Variants in EHMT1 observed in about 807,000 individuals in gnomAD.
EHMT1 encodes the protein euchromatic histone lysine methyltransferase 1.
In EHMT1, 15 loss-of-function variants were observed where a neutral mutation model predicts 147.2. That is an observed-to-expected ratio of 0.10 (90% confidence interval 0.07 to 0.16). The LOEUF (loss-of-function observed/expected upper bound fraction) is 0.16. EHMT1 is among the 10% of genes least tolerant of loss of function. The pLI is 1.00. For synonymous variants in EHMT1, 795 were observed against 709.6 expected, an observed-to-expected ratio of 1.12 and a Z score of -1.91; for missense variants, 1,587 against 1,772.4, an observed-to-expected ratio of 0.90 and a Z score of 1.88.
intron 25 of EHMT1, among the ~76,000 whole-genome samples, chr9:137,821,395 A>G (rs1017288948): frequency 1.4e-4 from 20 of 140,924 alleles, no homozygotes; most frequent in African/African-American, 5.1e-4. Flanking sequence ...TGGCATAATC[A>G]TAGCTCACTG....
At chr9:137,816,191 C>G in intron 23 of EHMT1, 129 bp downstream of exon 23, 1 of 821,274 alleles carries the variant, frequency 1.2e-6, no homozygotes, top group Admixed American at 2.0e-5. Context: ...CAGATAGAGC[C>G]GACAAGTTAC....
In EHMT1 at chr9:137,813,473, C is replaced by G. The variant is rs141527497; in HGVS notation, c.3123C>G (p.Val1041=). The change falls in exon 21 of 27, where the codon GTC becomes GTG. Residue 1041 remains valine, a synonymous_variant. Transcript: ENST00000460843. This position sits in a 1 kb window ranked among gnomAD's most constrained non-coding sequence, Gnocchi z 4.9. ...CATGCCCCAGCAACTACAAGTACGTCTCTCAGAACTGCGTGACGTCCCCCA... is the reference window on the plus strand; with the variant it reads ...CATGCCCCAGCAACTACAAGTACGTGTCTCAGAACTGCGTGACGTCCCCCA... ...SEPCPSNYKY[V]SQNCVTSPMN... The G allele has an allele frequency of 1.3e-4, 211 of 1,613,976 alleles. No individual in the cohort carries two copies. Among genetic ancestry groups the G allele is most frequent in the Non-Finnish European group, 1.6e-4 (190 of 1,180,030 alleles).
In EHMT1 at chr9:137,727,684, G is replaced by A. The variant is rs527692800; in HGVS notation, c.643-665G>A. On this transcript the variant is annotated intron_variant, in intron 3 of 26. Coordinates refer to ENST00000460843, the MANE Select transcript of EHMT1 (RefSeq NM_024757.5). ...TATCACAGGTCTGTAGGTGACGAGG[G>A]AAGCAGACAGAGAGTGGAGGTTCAG... 3.0e-4 allele frequency among the ~76,000 whole-genome samples: 46 copies of A among 152,340 alleles called. No homozygotes were observed. In the East Asian group the frequency reaches 8.5e-3, roughly 28 times the overall value.
chr9:137,795,717 G>A (rs575568139), intron 16 of EHMT1, among the ~76,000 whole-genome samples: 2 of 152,222 alleles, frequency 1.3e-5, no homozygotes, highest in East Asian at 3.9e-4. Flanking sequence ...GTGAAATACA[G>A]GATAATAACT....
At chr9:137,762,436 A>G (rs1949899436) in intron 9 of EHMT1, among the ~76,000 whole-genome samples, 1 of 152,208 alleles carries the variant, frequency 6.6e-6, no homozygotes, top group Non-Finnish European at 1.5e-5. Flanking sequence ...ACAGGTTAAT[A>G]GGTGCCTCTT....
At chr9:137,823,650 A>G in intron 25 of EHMT1, 1 of 185,402 alleles carries the variant, frequency 5.4e-6, no homozygotes, top group South Asian at 7.2e-5. Flanking sequence ...TGACCTCGTG[A>G]TCCGCCCGCC....
intron 18 of EHMT1, among the ~76,000 whole-genome samples, chr9:137,810,292 A>ACCGTCGGTG (rs1954355018): frequency 5.3e-4 from 56 of 106,244 alleles, no homozygotes; most frequent in African/African-American, 2.1e-3. Context: ...GCCCTGCGTG[A>ACCGTCGGTG]AAGGCGCTCC....
Position 137,752,076 on chromosome 9 carries a change from G to A in EHMT1, c.1171-255G>A, listed in dbSNP as rs146984886. 5.9e-3 allele frequency among the ~76,000 whole-genome samples: 897 copies of A among 152,346 alleles called. 6 individuals are homozygous for A. Among genetic ancestry groups the A allele is most frequent in the Non-Finnish European group, 1.0e-2 (680 of 68,026 alleles). ...ACCAGGGCAGCCACTCTCTGGTCCCGATGTGGAGACAGGACCGGGGAGCAG... is the reference window on the plus strand; with the variant it reads ...ACCAGGGCAGCCACTCTCTGGTCCCAATGTGGAGACAGGACCGGGGAGCAG... On this transcript the variant is annotated intron_variant, in intron 6 of 26. Transcript: ENST00000460843.
intron 1 of EHMT1, among the ~76,000 whole-genome samples, chr9:137,668,988 G>C (rs114176219): frequency 0.042 from 6,376 of 152,228 alleles, 419 homozygotes; most frequent in African/African-American, 0.14. Context: ...CCAGGTTCTC[G>C]CCATTCTTGT....
intron 1 of EHMT1, among the ~76,000 whole-genome samples, chr9:137,701,940 C>T (rs958464689): frequency 1.3e-5 from 2 of 151,962 alleles, no homozygotes; most frequent in Non-Finnish European, 2.9e-5. Context: ...ATTACAGGTG[C>T]CCGCCACCAT....
intron 9 of EHMT1, among the ~76,000 whole-genome samples, chr9:137,760,796 TC>T (rs1949744169): frequency 6.6e-6 from 1 of 152,066 alleles, no homozygotes; most frequent in Admixed American, 6.5e-5. Context: ...GATCACAAGG[TC>T]AGGAGATCGA....
chr9:137,818,606 C>T (rs1588880636), intron 25 of EHMT1, among the ~76,000 whole-genome samples: 1 of 105,254 alleles, frequency 9.5e-6, no homozygotes, highest in Non-Finnish European at 1.7e-5. Flanking sequence ...GCGCCATGTA[C>T]CGAGACCGTA....
Position 137,762,751 on chromosome 9 carries a change from A to G in EHMT1, c.1578A>G (p.Thr526=). The G allele has an allele frequency of 6.2e-7, 1 of 1,614,226 alleles. No homozygotes were observed. The highest frequency in any genetic ancestry group is 8.5e-7 in the Non-Finnish European group (1 of 1,180,042). ...CTCTCTGCAGCTGCCGGATGGAAAC[A>G]CCGAAGAGTCGAGAGATCACCACAC... The part of the protein sequence containing the change: ...EVPLCSCRME[T]PKSREITTLA... Residue 526 remains threonine, a synonymous_variant, in exon 10 of 27, where the codon ACA becomes ACG. Transcript: ENST00000460843.
chr9:137,812,855 A>AGATGCG (rs1491226073), intron 19 of EHMT1, 151 bp from the exon 20 acceptor site: 6 of 1,066,806 alleles, frequency 5.6e-6, no homozygotes, highest in Admixed American at 3.9e-5. Context: ...CCGTCTTTGC[A>AGATGCG]GAGTCATTGC....
intron 24 of EHMT1, 147 bp from the exon 25 acceptor site, chr9:137,817,913 C>A: frequency 1.2e-6 from 1 of 800,914 alleles, no homozygotes; most frequent in Non-Finnish European, 2.1e-6. Context: ...CCCAGTTCAA[C>A]CCTGGGCACA....
chr9:137,658,294 G>T (rs1169370865), intron 1 of EHMT1, among the ~76,000 whole-genome samples: 3 of 152,118 alleles, frequency 2.0e-5, no homozygotes, highest in African/African-American at 7.2e-5. Context: ...GGCATTACAG[G>T]CTGGTGCCTC....
At chr9:137,636,702 T>C (rs1844097063) in intron 1 of EHMT1, among the ~76,000 whole-genome samples, 6 of 152,188 alleles carry the variant, frequency 3.9e-5, no homozygotes, top group Non-Finnish European at 8.8e-5. Flanking sequence ...GATTTTCATA[T>C]GCTCAACCAG....
chr9:137,619,120 A>C (rs1842779009), intron 1 of EHMT1, 71 bp downstream of exon 1: 1 of 476,830 alleles, frequency 2.1e-6, no homozygotes, highest in Non-Finnish European at 2.7e-6. Flanking sequence ...GGGGGCGAAG[A>C]ACCGGGCGGG....
Position 137,816,820 on chromosome 9 carries a change from G to A in EHMT1, c.3375-619G>A, listed in dbSNP as rs1212392084. Reference sequence around the variant, plus strand: ...GAAAGGCCTGGTGGTGAGGACCCACGCCAGACAGACGCGAGGCAGACACGG... The same window carrying A: ...GAAAGGCCTGGTGGTGAGGACCCACACCAGACAGACGCGAGGCAGACACGG... On this transcript the variant is annotated intron_variant, in intron 23 of 26. Coordinates refer to ENST00000460843, the MANE Select transcript of EHMT1 (RefSeq NM_024757.5). The A allele has an allele frequency of 6.3e-5, 11 of 174,562 alleles. No homozygotes were observed. In the South Asian group the frequency reaches 6.7e-4, roughly 11 times the overall value. 10.8% of individuals were successfully genotyped at this position (174,562 alleles called of 1,614,324 possible).
Sources: gnomAD v4.1 joint callset for allele counts (sites outside exome capture counted in the v4.1 genomes callset) on GRCh38, gnomAD v4.1.1 for gene constraint, Gnocchi (gnomAD v3.1) non-coding constraint, MANE v1.5 for transcripts, NCBI Gene and HGNC (gene_info 2026-07-23, HGNC 2026-07-21) for gene names.